The following SEPTIN10 variants were observed in gnomAD, a reference collection of about 807,000 sequenced individuals.
The protein encoded by SEPTIN10 is septin-10.
SEPTIN10 carries 66 observed loss-of-function variants against 54.8 expected under a neutral mutation model. That is an observed-to-expected ratio of 1.21 (90% CI 0.99 to 1.48). SEPTIN10 has a LOEUF of 1.48. Ranked by LOEUF, SEPTIN10 falls within the 40% of genes most tolerant of loss-of-function variation. The pLI is 0.00. For missense variants in SEPTIN10, 620 were observed against 545.6 expected, an observed-to-expected ratio of 1.14 and a Z score of -1.36; for synonymous variants, 161 against 181.0, an observed-to-expected ratio of 0.89 and a Z score of 0.89.
intron 10 of SEPTIN10, 197 bp downstream of exon 10, chr2:109,545,853 T>C (rs1387274073): frequency 1.4e-6 from 2 of 1,440,244 alleles, no homozygotes; most frequent in Non-Finnish European, 1.8e-6. Flanking sequence ...ACATAACATG[T>C]GCCAGGTGCT....
intron 8 of SEPTIN10, among the ~76,000 whole-genome samples, chr2:109,556,658 C>CT (rs34358135): frequency 6.6e-5 from 10 of 150,908 alleles, no homozygotes; most frequent in African/African-American, 9.7e-5. Context: ...CTGTTGTGAT[C>CT]TTTTTTTTTA....
rs1687431628 is a variant in SEPTIN10 at position 109,567,926 on chromosome 2, T to C, written c.651A>G (p.Glu217=). The C allele has an allele frequency of 1.9e-6, 3 of 1,613,848 alleles. No homozygotes were observed. The highest frequency in any genetic ancestry group is 2.5e-6 in the Non-Finnish European group (3 of 1,179,892). The change falls in exon 6 of 11, where the codon GAA becomes GAG. Residue 217 remains glutamate (E), a synonymous_variant. Coordinates refer to ENST00000397712, the MANE Select transcript of SEPTIN10 (RefSeq NM_144710.5). The part of the protein sequence containing the change: ...IAKADTVSKT[E]LQKFKIKLMS... ...TGAGCTTGATCTTAAACTTCTGTAATTCAGTTTTAGAAACCGTATCTGCTT... is the reference window on the plus strand; with the variant it reads ...TGAGCTTGATCTTAAACTTCTGTAACTCAGTTTTAGAAACCGTATCTGCTT...
At chr2:109,591,469 G>C (rs760169018) in intron 2 of SEPTIN10, among the ~76,000 whole-genome samples, 3 of 152,184 alleles carry the variant, frequency 2.0e-5, no homozygotes, top group Non-Finnish European at 4.4e-5. Flanking sequence ...GTAATCTCTG[G>C]AGGATTAAAC....
intron 10 of SEPTIN10, 113 bp from the exon 11 acceptor site, chr2:109,544,437 G>C (rs1359635980): frequency 7.1e-7 from 1 of 1,402,412 alleles, no homozygotes; most frequent in African/African-American, 1.5e-5. Flanking sequence ...CTTTGAAAAA[G>C]AAAAGAAAAA....
chr2:109,567,425 A>G (rs1018241279), intron 6 of SEPTIN10, among the ~76,000 whole-genome samples: 13 of 152,250 alleles, frequency 8.5e-5, no homozygotes, highest in Non-Finnish European at 1.6e-4. Flanking sequence ...TACTAGTTTT[A>G]AGAGACCTCC....
intron 4 of SEPTIN10, among the ~76,000 whole-genome samples, chr2:109,578,603 C>T (rs1406380572): frequency 6.6e-6 from 1 of 152,012 alleles, no homozygotes; most frequent in Non-Finnish European, 1.5e-5. Context: ...CCCATCTCTA[C>T]TAAAAATACA....
At chr2:109,591,792 G>A (rs1694128497) in intron 2 of SEPTIN10, among the ~76,000 whole-genome samples, 1 of 152,064 alleles carries the variant, frequency 6.6e-6, no homozygotes, top group Admixed American at 6.6e-5. Flanking sequence ...TAGCTATTTG[G>A]GGGGCTGAGG....
At chr2:109,577,641 A>C (rs1690011012) in intron 4 of SEPTIN10, among the ~76,000 whole-genome samples, 1 of 151,538 alleles carries the variant, frequency 6.6e-6, no homozygotes, top group South Asian at 2.1e-4. Flanking sequence ...TCGGTCGGAT[A>C]GTGGCTCACG....
intron 10 of SEPTIN10, chr2:109,545,585 T>TACTGA (rs1418011740): frequency 2.0e-6 from 3 of 1,534,094 alleles, no homozygotes; most frequent in Non-Finnish European, 1.7e-6. Context: ...ATCAGTAGAA[T>TACTGA]TTGTTCTAAA....
intron 8 of SEPTIN10, among the ~76,000 whole-genome samples, chr2:109,563,936 C>T (rs1686282367): frequency 6.6e-6 from 1 of 152,106 alleles, no homozygotes. Context: ...GCCTGGGCAA[C>T]ATAGTAAGAC....
intron 1 of SEPTIN10, chr2:109,613,414 T>C (rs1377174263): frequency 3.2e-6 from 1 of 315,256 alleles, no homozygotes; most frequent in Non-Finnish European, 6.4e-6. Flanking sequence ...GGCTCGGAAG[T>C]GCTCACGGCT....
chr2:109,587,622 G>A (rs1692870097), intron 2 of SEPTIN10, among the ~76,000 whole-genome samples: 1 of 152,100 alleles, frequency 6.6e-6, no homozygotes, highest in Non-Finnish European at 1.5e-5. Flanking sequence ...CAAGGATAAT[G>A]AAAACTTTAG....
In SEPTIN10 at chr2:109,580,099, C is replaced by T. The variant is rs548830454; in HGVS notation, c.413+5027G>A. On this transcript the variant is annotated intron_variant, in intron 4 of 10. Transcript: ENST00000397712. ...TCGCACCACTGCACTCCAGCCTGGG[C>T]GACAAGAGTGAAGTTCCATCTTAAA... Among the ~76,000 whole-genome samples the T allele has an allele frequency of 7.9e-5, 12 of 151,360 alleles. 1 individual carries two copies. The highest frequency in any genetic ancestry group is 2.0e-4 in the East Asian group (1 of 5,108).
At chr2:109,555,616 G>A (rs1194088499) in intron 8 of SEPTIN10, among the ~76,000 whole-genome samples, 1 of 152,174 alleles carries the variant, frequency 6.6e-6, no homozygotes, top group Non-Finnish European at 1.5e-5. Context: ...AATGCTGAGG[G>A]CAGTCACGAC....
chr2:109,590,083 TATATATATACACAC>T, intron 2 of SEPTIN10, among the ~76,000 whole-genome samples: 1 of 149,126 alleles, frequency 6.7e-6, no homozygotes, highest in Non-Finnish European at 1.5e-5. Flanking sequence ...CATATATATG[TATATATATACACAC>T]ATATATATGT....
At chr2:109,545,817 T>C (rs1005948163) in intron 10 of SEPTIN10, 45 of 1,427,018 alleles carry the variant, frequency 3.2e-5, no homozygotes, top group Non-Finnish European at 3.9e-5. Flanking sequence ...ATTTTGTTCA[T>C]TCATTCATTT....
intron 8 of SEPTIN10, among the ~76,000 whole-genome samples, chr2:109,558,691 G>C (rs970684341): frequency 6.6e-6 from 1 of 152,240 alleles, no homozygotes; most frequent in East Asian, 1.9e-4. Context: ...TCAATAAAGT[G>C]TAAGTGGAAA....
intron 1 of SEPTIN10, among the ~76,000 whole-genome samples, chr2:109,601,584 T>C (rs944294663): frequency 4.1e-4 from 62 of 152,346 alleles, no homozygotes; most frequent in African/African-American, 1.4e-3. Flanking sequence ...ACTCCTTCTT[T>C]GTTTCTCTTA....
intron 8 of SEPTIN10, among the ~76,000 whole-genome samples, chr2:109,554,409 C>T (rs1287948836): frequency 6.6e-6 from 1 of 152,156 alleles, no homozygotes; most frequent in Admixed American, 6.5e-5. Context: ...ATTCATTCTC[C>T]AACCTGCTTA....
Sources: allele counts gnomAD v4.1 joint callset (sites outside exome capture counted in the v4.1 genomes callset), GRCh38; gene constraint gnomAD v4.1.1; transcripts MANE v1.5; gene names NCBI Gene and HGNC (gene_info 2026-07-23, HGNC 2026-07-21).